Variants in CLOCK observed in about 807,000 individuals in gnomAD.
CLOCK encodes clock circadian regulator, also known as circadian locomoter output cycles protein kaput.
CLOCK carries 43 observed loss-of-function variants against 118.4 expected under a neutral mutation model. That is an observed-to-expected ratio of 0.36 (90% CI 0.28 to 0.47). The LOEUF (loss-of-function observed/expected upper bound fraction) is 0.47, where lower values mean the gene tolerates loss of function less well. CLOCK is among the 20% of genes least tolerant of loss of function. The pLI is 1.00. For missense variants in CLOCK, 846 were observed against 999.9 expected, an observed-to-expected ratio of 0.85 and a Z score of 2.08; for synonymous variants, 326 against 339.2, an observed-to-expected ratio of 0.96 and a Z score of 0.43.
At chr4:55,452,351 G>A (rs914181696) in intron 15 of CLOCK, 2 of 152,236 alleles carry the variant, frequency 1.3e-5, no homozygotes, top group Non-Finnish European at 2.9e-5. Flanking sequence ...CAGTCCAACT[G>A]CCCATGAGGA....
At chr4:55,542,994 AG>A (rs1423171309) in intron 1 of CLOCK, among the ~76,000 whole-genome samples, 6 of 152,274 alleles carry the variant, frequency 3.9e-5, no homozygotes, top group Non-Finnish European at 7.4e-5. Context: ...TCTGTCACCA[AG>A]GCTGAACTCC....
In CLOCK at chr4:55,521,511, C is replaced by A. The variant is rs535238231; in HGVS notation, c.-289-11446G>T. Among the ~76,000 whole-genome samples the A allele has an allele frequency of 3.9e-5, 6 of 152,342 alleles. No homozygotes were observed. In the South Asian group the frequency reaches 1.2e-3, roughly 32 times the overall value. ...GGGACTGCAGGCGTGCGTCAACACA[C>A]CTGGCTCAAATTACTATGTTTTATA... On this transcript the variant is annotated intron_variant, in intron 1 of 22. Coordinates refer to ENST00000513440, the MANE Select transcript of CLOCK (RefSeq NM_004898.4).
chr4:55,541,857 G>A (rs956005769), intron 1 of CLOCK, among the ~76,000 whole-genome samples: 4 of 150,458 alleles, frequency 2.7e-5, no homozygotes, highest in East Asian at 2.0e-4. Context: ...AACTCCTTAC[G>A]TTATCAAGAG....
Position 55,450,661 on chromosome 4 carries a change from C to T in CLOCK, c.1207-429G>A, listed in dbSNP as rs898672329. ...CAGATGCCTTGTGATCCCAGCTACT[C>T]CGGCGGCTGAGGCAGGAGAATTCCC... On this transcript the variant is annotated intron_variant, in intron 15 of 22. Coordinates refer to ENST00000513440, the MANE Select transcript of CLOCK (RefSeq NM_004898.4). Among the ~76,000 whole-genome samples, 11 of 152,114 alleles carry T rather than the reference C, an allele frequency of 7.2e-5. No homozygotes were observed. The East Asian group carries it at 7.7e-4, about 11-fold the overall frequency.
chr4:55,513,739 G>C (rs1248599884), intron 1 of CLOCK, among the ~76,000 whole-genome samples: 4 of 152,070 alleles, frequency 2.6e-5, no homozygotes, highest in East Asian at 3.8e-4. Flanking sequence ...AAATTGTGAA[G>C]AACTGACACC....
intron 18 of CLOCK, among the ~76,000 whole-genome samples, chr4:55,445,859 G>A (rs886497312): frequency 2.0e-5 from 3 of 151,724 alleles, no homozygotes; most frequent in Non-Finnish European, 4.4e-5. Context: ...GCCTTCCAAA[G>A]TGCTAAGAAT....
intron 1 of CLOCK, among the ~76,000 whole-genome samples, chr4:55,537,436 T>C (rs1178367277): frequency 6.6e-6 from 1 of 151,970 alleles, no homozygotes; most frequent in African/African-American, 2.4e-5. Context: ...CTGGGCAACA[T>C]AGTGAAACCC....
intron 7 of CLOCK, among the ~76,000 whole-genome samples, chr4:55,471,679 A>G (rs1726153028): frequency 6.6e-6 from 1 of 152,232 alleles, no homozygotes; most frequent in Non-Finnish European, 1.5e-5. Context: ...TGAGAATCCT[A>G]GGCACAGAAG....
chr4:55,521,986 G>A (rs1729874352), intron 1 of CLOCK, among the ~76,000 whole-genome samples: 1 of 152,062 alleles, frequency 6.6e-6, no homozygotes, highest in South Asian at 2.1e-4. Context: ...CACAAATAGA[G>A]TCATATGTAT....
intron 8 of CLOCK, among the ~76,000 whole-genome samples, chr4:55,470,417 G>A (rs1030461209): frequency 4.3e-4 from 66 of 152,204 alleles, no homozygotes; most frequent in African/African-American, 1.5e-3. Context: ...TAAGTGCGTA[G>A]TAGGTTACAC....
chr4:55,545,609 A>G (rs1731562147), intron 1 of CLOCK: 1 of 152,198 alleles, frequency 6.6e-6, no homozygotes, highest in African/African-American at 2.4e-5. Flanking sequence ...GGAAACCACA[A>G]TCTGATTTGA....
intron 1 of CLOCK, among the ~76,000 whole-genome samples, chr4:55,538,916 C>T (rs1731076611): frequency 6.6e-6 from 1 of 152,186 alleles, no homozygotes; most frequent in Non-Finnish European, 1.5e-5. Flanking sequence ...TAACTACCAA[C>T]TTAGAACTTA....
At chr4:55,495,153 C>CCATCCCTATATACTTT (rs1299099332) in intron 2 of CLOCK, among the ~76,000 whole-genome samples, 1 of 152,140 alleles carries the variant, frequency 6.6e-6, no homozygotes, top group Non-Finnish European at 1.5e-5. Flanking sequence ...AAGTCATCCC[C>CCATCCCTATATACTTT]CATCCCTATA....
At chr4:55,542,388 T>C (rs151292685) in intron 1 of CLOCK, among the ~76,000 whole-genome samples, 1 of 76,940 alleles carries the variant, frequency 1.3e-5, no homozygotes, top group African/African-American at 3.6e-5. Flanking sequence ...AATATTATTA[T>C]TATTATTATT....
chr4:55,464,770 A>G (rs958508876), intron 8 of CLOCK, among the ~76,000 whole-genome samples: 6 of 152,272 alleles, frequency 3.9e-5, no homozygotes, highest in Non-Finnish European at 4.4e-5. Flanking sequence ...GGCAGTAAGA[A>G]TGGTGAGAGG....
At chr4:55,519,716 C>G (rs925541723) in intron 1 of CLOCK, among the ~76,000 whole-genome samples, 3 of 151,910 alleles carry the variant, frequency 2.0e-5, no homozygotes, top group Non-Finnish European at 4.4e-5. Context: ...AAGCGGAGAC[C>G]GCAGTGAGCC....
At chr4:55,512,382 G>A (rs1047822885) in intron 1 of CLOCK, among the ~76,000 whole-genome samples, 2 of 131,608 alleles carry the variant, frequency 1.5e-5, no homozygotes, top group African/African-American at 5.1e-5. Flanking sequence ...TATCTTCTTT[G>A]GTAAGGTTAT....
At chr4:55,522,911 T>C (rs1373328476) in intron 1 of CLOCK, among the ~76,000 whole-genome samples, 1 of 152,182 alleles carries the variant, frequency 6.6e-6, no homozygotes. Flanking sequence ...GAAGCAAATC[T>C]GAAGGGGCTC....
In CLOCK at chr4:55,540,941, T is replaced by C. The variant is rs530670944; in HGVS notation, c.-290+5841A>G. ...TCATTATTAATGTAAAAAATGAAAA[T>C]GTTTCTGAAAAATGAAAAGCAAATT... On this transcript the variant is annotated intron_variant, in intron 1 of 22. Coordinates refer to ENST00000513440, the MANE Select transcript of CLOCK (RefSeq NM_004898.4). 7 of 152,284 alleles carry C rather than the reference T, an allele frequency of 4.6e-5. No individual in the cohort carries two copies. The East Asian group carries it at 1.3e-3, about 29-fold the overall frequency. 9.4% of individuals were successfully genotyped at this position (152,284 alleles called of 1,614,324 possible).
Sources: gnomAD v4.1 joint callset for allele counts (sites outside exome capture counted in the v4.1 genomes callset) on GRCh38, gnomAD v4.1.1 for gene constraint, MANE v1.5 for transcripts, NCBI Gene and HGNC (gene_info 2026-07-23, HGNC 2026-07-21) for gene names.